The following PTK2 variants were observed in gnomAD, a reference collection of about 807,000 sequenced individuals.
PTK2 encodes protein tyrosine kinase 2.
PTK2 carries 45 observed loss-of-function variants against 150.1 expected under a neutral mutation model. The observed-to-expected ratio is 0.30, with a 90% CI of 0.24 to 0.38. PTK2 has a LOEUF of 0.38. Among genes scored for constraint, PTK2 ranks in the 10% least tolerant of loss-of-function variants. The probability of loss-of-function intolerance (pLI) is 1.00; values close to 1 mark genes in which losing one functional copy is unlikely to be tolerated. For missense variants in PTK2, 919 were observed against 1,307.3 expected, an observed-to-expected ratio of 0.70 and a Z score of 4.58; for synonymous variants, 432 against 449.2, an observed-to-expected ratio of 0.96 and a Z score of 0.48.
intron 26 of PTK2, among the ~76,000 whole-genome samples, chr8:140,695,175 G>A (rs1199513025): frequency 6.6e-6 from 1 of 151,996 alleles, no homozygotes; most frequent in Non-Finnish European, 1.5e-5. Context: ...TGTTATTTTT[G>A]GTGACACCAA....
chr8:140,829,589 C>T (rs1055665646), intron 8 of PTK2, among the ~76,000 whole-genome samples: 5 of 152,118 alleles, frequency 3.3e-5, no homozygotes, highest in African/African-American at 7.2e-5. Flanking sequence ...AAGTTAGCTA[C>T]ATTTTCTCAT....
intron 2 of PTK2, among the ~76,000 whole-genome samples, chr8:140,913,828 T>A (rs932483407): frequency 2.6e-5 from 4 of 152,188 alleles, no homozygotes; most frequent in Non-Finnish European, 4.4e-5. Context: ...ATATATTAAT[T>A]CAACTTATAA....
chr8:140,965,003 G>A (rs2100184747), intron 1 of PTK2, among the ~76,000 whole-genome samples: 1 of 152,140 alleles, frequency 6.6e-6, no homozygotes, highest in South Asian at 2.1e-4. Context: ...GAACGGATAT[G>A]GAAACTAAGA....
chr8:140,990,099 A>G (rs2100195134), intron 1 of PTK2, among the ~76,000 whole-genome samples: 1 of 152,190 alleles, frequency 6.6e-6, no homozygotes, highest in Non-Finnish European at 1.5e-5. Context: ...TTTAGTGACA[A>G]GTAACAGAAG....
At chr8:140,868,531 C>T (rs1263328165) in intron 4 of PTK2, among the ~76,000 whole-genome samples, 2 of 152,086 alleles carry the variant, frequency 1.3e-5, no homozygotes, top group Non-Finnish European at 2.9e-5. Flanking sequence ...GAAACAGTAA[C>T]CTTGTAGTGG....
intron 13 of PTK2, among the ~76,000 whole-genome samples, chr8:140,789,740 TTC>T (rs2100087362): frequency 6.6e-6 from 1 of 152,188 alleles, no homozygotes; most frequent in African/African-American, 2.4e-5. Flanking sequence ...TGTTGAACTG[TTC>T]TGAGAAAGAT....
rs1338817723 is a variant in PTK2 at position 140,921,608 on chromosome 8, GGTACTGTCATAGTAAGT to G, written c.-33+4036_-33+4052del. ...TTGCTGTAAAATATTTTTCCTGGTT[GGTACTGTCATAGTAAGT>G]GTATAAATTTTAAAAACTCTCTCGA... On this transcript the variant is annotated intron_variant, in intron 2 of 31. Coordinates refer to ENST00000522684, the Ensembl canonical transcript of PTK2. Among the ~76,000 whole-genome samples the G allele has an allele frequency of 7.9e-5, 12 of 152,158 alleles. No individual in the cohort carries two copies. The South Asian group carries it at 2.3e-3, about 29-fold the overall frequency.
chr8:140,874,420 C>T (rs1599874104), intron 4 of PTK2, among the ~76,000 whole-genome samples: 4 of 152,298 alleles, frequency 2.6e-5, no homozygotes, highest in Admixed American at 2.6e-4. Flanking sequence ...GATCTTACTT[C>T]TCAGAATTAA....
chr8:140,900,233 T>C (rs538111618), intron 2 of PTK2, among the ~76,000 whole-genome samples: 82 of 152,316 alleles, frequency 5.4e-4, no homozygotes, highest in South Asian at 3.5e-3. Flanking sequence ...ATAAATTCAG[T>C]AAAGTAGCAG....
intron 25 of PTK2, among the ~76,000 whole-genome samples, 177 bp downstream of exon 28, chr8:140,702,393 A>AT (rs1269763972): frequency 6.6e-6 from 1 of 151,268 alleles, no homozygotes; most frequent in Non-Finnish European, 1.5e-5. Context: ...CTAATTTTCT[A>AT]TTTTTTGTAG....
intron 27 of PTK2, among the ~76,000 whole-genome samples, chr8:140,686,275 G>A (rs1445400520): frequency 6.6e-6 from 1 of 152,032 alleles, no homozygotes; most frequent in Non-Finnish European, 1.5e-5. Flanking sequence ...AGGAGGGTGA[G>A]GATCAAAACA....
At chr8:140,829,711 GGTAA>G (rs2100114155) in intron 8 of PTK2, among the ~76,000 whole-genome samples, 1 of 151,944 alleles carries the variant, frequency 6.6e-6, no homozygotes, top group Non-Finnish European at 1.5e-5. Flanking sequence ...CAGGTACTGT[GGTAA>G]GTAATATATT....
intron 27 of PTK2, among the ~76,000 whole-genome samples, chr8:140,676,554 T>C (rs1271651080): frequency 6.9e-6 from 1 of 144,296 alleles, no homozygotes; most frequent in African/African-American, 2.6e-5. Context: ...CGTATACACA[T>C]ACGTAAGAAT....
intron 3 of PTK2, among the ~76,000 whole-genome samples, chr8:140,879,967 C>CA (rs1457715616): frequency 6.6e-6 from 1 of 152,140 alleles, no homozygotes; most frequent in Admixed American, 6.5e-5. Context: ...TCATCACCCC[C>CA]CAACCTGTCA....
chr8:140,942,590 C>T (rs372571746), intron 1 of PTK2, among the ~76,000 whole-genome samples: 2 of 151,912 alleles, frequency 1.3e-5, no homozygotes, highest in East Asian at 3.9e-4. Flanking sequence ...AATGTTGATC[C>T]AGCTGGAAAG....
At chr8:140,716,496 T>C (rs2100039787) in intron 23 of PTK2, among the ~76,000 whole-genome samples, 1 of 152,196 alleles carries the variant, frequency 6.6e-6, no homozygotes, top group Non-Finnish European at 1.5e-5. Flanking sequence ...TGGGCCTCGG[T>C]CCTTCTCTCT....
At chr8:140,676,613 C>CG (rs1308408642) in intron 27 of PTK2, among the ~76,000 whole-genome samples, 1 of 88,158 alleles carries the variant, frequency 1.1e-5, no homozygotes, top group East Asian at 2.8e-4. Flanking sequence ...TCGGTGGGGG[C>CG]GGGGGGAACA....
chr8:140,659,544 C>G, exon 32 of PTK2: 1 of 1,613,950 alleles, frequency 6.2e-7, no homozygotes, highest in Non-Finnish European at 8.5e-7. Context: ...CATCCACAGC[C>G]AGGGCGTGAG....
chr8:140,991,559 T>TC (rs781460693), intron 1 of PTK2, among the ~76,000 whole-genome samples: 10 of 152,156 alleles, frequency 6.6e-5, no homozygotes, highest in Non-Finnish European at 1.3e-4. Flanking sequence ...GTGAGGGCAA[T>TC]CTCCTTAGCA....
Sources: gnomAD v4.1 joint callset for allele counts (sites outside exome capture counted in the v4.1 genomes callset) on GRCh38, gnomAD v4.1.1 for gene constraint, MANE v1.5 for transcripts, NCBI Gene and HGNC (gene_info 2026-07-23, HGNC 2026-07-21) for gene names.